Variants in CERS6 observed in about 807,000 individuals in gnomAD.
CERS6 encodes LAG1 homolog, ceramide synthase 6.
A neutral mutation model predicts 56.8 loss-of-function variants in CERS6; 26 were observed. The ratio of observed to expected loss-of-function variants is 0.46; its 90% confidence interval spans 0.34 to 0.63. The LOEUF is 0.63. Ranked by LOEUF, CERS6 falls within the 30% of genes least tolerant of loss-of-function variation. CERS6 has a pLI of 0.01. For missense variants in CERS6, 415 were observed against 467.5 expected (o/e 0.89, Z 1.04); for synonymous variants, 164 against 173.3 (o/e 0.95, Z 0.42).
intron 4 of CERS6, among the ~76,000 whole-genome samples, chr2:168,644,999 G>A (rs1685139949): frequency 6.8e-6 from 1 of 147,280 alleles, no homozygotes; most frequent in Non-Finnish European, 1.5e-5. Context: ...GGCTGAGGCA[G>A]GAGAATTTCT....
intron 3 of CERS6, among the ~76,000 whole-genome samples, chr2:168,624,099 G>A (rs1409537734): frequency 2.6e-5 from 4 of 152,130 alleles, no homozygotes; most frequent in Admixed American, 6.6e-5. Context: ...CTGTAAGACC[G>A]AATCGTTGCA....
chr2:168,522,499 A>C (rs954632368), intron 1 of CERS6, among the ~76,000 whole-genome samples: 1 of 151,950 alleles, frequency 6.6e-6, no homozygotes, highest in South Asian at 2.1e-4. Flanking sequence ...GTTAGCATTC[A>C]TTGAAGTTAG....
Position 168,724,595 on chromosome 2 carries a change from G to A in CERS6, c.845+6617G>A, listed in dbSNP as rs572239893. On this transcript the variant is annotated intron_variant, in intron 8 of 9. Transcript: ENST00000305747. ...CCAGATTAGCTAGATACAGAGTGCC[G>A]ATTGGTGTATTTACAATCCCTGAGC... Among the ~76,000 whole-genome samples the A allele has an allele frequency of 8.6e-5, 13 of 151,434 alleles. No individual in the cohort carries two copies. In the South Asian group the frequency reaches 1.2e-3, roughly 15 times the overall value.
At chr2:168,553,776 C>A (rs532662884) in intron 2 of CERS6, among the ~76,000 whole-genome samples, 7 of 152,070 alleles carry the variant, frequency 4.6e-5, no homozygotes, top group Non-Finnish European at 8.8e-5. Context: ...AGAAAGAAAT[C>A]TAAGGAATGG....
intron 1 of CERS6, among the ~76,000 whole-genome samples, chr2:168,465,905 C>T (rs1159011697): frequency 1.4e-4 from 21 of 152,084 alleles, no homozygotes; most frequent in Admixed American, 1.3e-3. Context: ...GATTTGCTGA[C>T]TTGAAAGGTC....
intron 5 of CERS6, among the ~76,000 whole-genome samples, chr2:168,694,068 T>C (rs948422991): frequency 2.6e-5 from 4 of 152,198 alleles, no homozygotes; most frequent in African/African-American, 7.2e-5. Context: ...TATAGGGGTA[T>C]GGACTTGTTT....
chr2:168,738,891 T>C (rs935471989), intron 8 of CERS6, among the ~76,000 whole-genome samples: 7 of 151,736 alleles, frequency 4.6e-5, no homozygotes, highest in Non-Finnish European at 1.0e-4. Context: ...TTGTTTGTTT[T>C]GGGGGGTTTT....
At chr2:168,498,733 C>CCAGGAAGGAGTGCTGGTCAGTCCT (rs1379618063) in intron 1 of CERS6, among the ~76,000 whole-genome samples, 2 of 152,218 alleles carry the variant, frequency 1.3e-5, no homozygotes. Flanking sequence ...TGGTCTCTTA[C>CCAGGAAGGAGTGCTGGTCAGTCCT]CAGGAAGGAG....
At chr2:168,625,976 G>T (rs1684581639) in intron 3 of CERS6, among the ~76,000 whole-genome samples, 1 of 152,122 alleles carries the variant, frequency 6.6e-6, no homozygotes. Flanking sequence ...TGAATACATT[G>T]TCTTCCATTT....
chr2:168,542,100 G>GA (rs981168995), intron 1 of CERS6, among the ~76,000 whole-genome samples: 19 of 152,276 alleles, frequency 1.2e-4, no homozygotes, highest in African/African-American at 3.6e-4. Context: ...TCAGTCTCCA[G>GA]AGCCCTCAGG....
At chr2:168,497,606 G>C (rs933385787) in intron 1 of CERS6, among the ~76,000 whole-genome samples, 2 of 152,182 alleles carry the variant, frequency 1.3e-5, no homozygotes, top group Non-Finnish European at 2.9e-5. Flanking sequence ...TGCATAATCT[G>C]TTCCAGGAAA....
At chr2:168,599,227 G>A (rs1683875491) in intron 3 of CERS6, among the ~76,000 whole-genome samples, 2 of 152,136 alleles carry the variant, frequency 1.3e-5, no homozygotes, top group Non-Finnish European at 2.9e-5. Flanking sequence ...TCTTGGTACA[G>A]TTGTGCTCTG....
chr2:168,703,725 C>T (rs1686862784), intron 6 of CERS6, among the ~76,000 whole-genome samples: 2 of 152,144 alleles, frequency 1.3e-5, no homozygotes, highest in African/African-American at 2.4e-5. Flanking sequence ...ACTCCTGCTA[C>T]CTATAGACAC....
intron 1 of CERS6, among the ~76,000 whole-genome samples, chr2:168,497,156 G>A (rs1194081347): frequency 6.6e-6 from 1 of 152,162 alleles, no homozygotes; most frequent in African/African-American, 2.4e-5. Flanking sequence ...TACTCTCTTA[G>A]AGAAAAAGAA....
At chr2:168,602,616 T>G (rs1402312376) in intron 3 of CERS6, among the ~76,000 whole-genome samples, 2 of 152,122 alleles carry the variant, frequency 1.3e-5, no homozygotes, top group East Asian at 1.9e-4. Flanking sequence ...AAGAGAAGAA[T>G]AATAAGTATC....
rs118044193 is a variant in CERS6, at chr2:168,629,346, G to T, written c.408-1639G>T. 8.5e-4 allele frequency among the ~76,000 whole-genome samples: 130 copies of T among 152,082 alleles called. No homozygotes were observed. The East Asian group carries it at 0.02, about 24-fold the overall frequency. ...AGTTGCAAATTCATTTGCCTCCAGGGGCCAGACAAGGCAAATGCATGAAGT... is the reference window on the plus strand; with the variant it reads ...AGTTGCAAATTCATTTGCCTCCAGGTGCCAGACAAGGCAAATGCATGAAGT... On this transcript the variant is annotated intron_variant, in intron 3 of 9. Coordinates refer to ENST00000305747, the MANE Select transcript of CERS6 (RefSeq NM_203463.3).
At chr2:168,759,841 A>G (rs1251052520) in intron 8 of CERS6, among the ~76,000 whole-genome samples, 1 of 152,102 alleles carries the variant, frequency 6.6e-6, no homozygotes, top group Non-Finnish European at 1.5e-5. Flanking sequence ...CTAAGCATCT[A>G]AGGAGAACCC....
At chr2:168,572,307 G>C (rs1193030152) in intron 3 of CERS6, among the ~76,000 whole-genome samples, 1 of 151,994 alleles carries the variant, frequency 6.6e-6, no homozygotes, top group Non-Finnish European at 1.5e-5. Flanking sequence ...TATTTATTGA[G>C]GTATTTATAC....
chr2:168,627,636 T>C (rs1270579730), intron 3 of CERS6, among the ~76,000 whole-genome samples: 1 of 152,078 alleles, frequency 6.6e-6, no homozygotes, highest in African/African-American at 2.4e-5. Context: ...CTGAAGTTTT[T>C]TTTTTTTTTA....
Sources: gnomAD v4.1 joint callset for allele counts (sites outside exome capture counted in the v4.1 genomes callset) on GRCh38, gnomAD v4.1.1 for gene constraint, MANE v1.5 for transcripts, NCBI Gene and HGNC (gene_info 2026-07-23, HGNC 2026-07-21) for gene names.